Variants in NDST4 observed in about 807,000 individuals in gnomAD.
NDST4 encodes the protein N-heparan sulfate sulfotransferase 4.
Under a neutral mutation model 100.8 loss-of-function variants are expected in NDST4, and 63 were observed. The ratio of observed to expected loss-of-function variants is 0.62; its 90% confidence interval spans 0.51 to 0.77. NDST4 has a LOEUF of 0.77. NDST4 is among the 30% of genes least tolerant of loss of function. NDST4 has a pLI of 0.00. For synonymous variants in NDST4, 377 were observed against 361.8 expected, an observed-to-expected ratio of 1.04 and a Z score of -0.48; for missense variants, 943 against 1,018.4, an observed-to-expected ratio of 0.93 and a Z score of 1.01.
At chr4:114,906,383 T>TTG (rs1172015041) in intron 6 of NDST4, among the ~76,000 whole-genome samples, 1 of 151,958 alleles carries the variant, frequency 6.6e-6, no homozygotes, top group African/African-American at 2.4e-5. Flanking sequence ...GGCATTTTTT[T>TTG]TTGTTATGAA....
chr4:114,846,164 C>T (rs1487110542), intron 9 of NDST4, among the ~76,000 whole-genome samples, 167 bp from the exon 10 acceptor site: 2 of 152,050 alleles, frequency 1.3e-5, no homozygotes, highest in Non-Finnish European at 2.9e-5. Flanking sequence ...GTGAAGTCAA[C>T]CCAAAATATT....
chr4:114,983,439 T>C (rs915568335), intron 2 of NDST4, among the ~76,000 whole-genome samples: 5 of 152,010 alleles, frequency 3.3e-5, no homozygotes, highest in African/African-American at 1.2e-4. Context: ...TATTTTGGAG[T>C]TTTTAGATTT....
chr4:115,042,533 T>A (rs761711538), intron 2 of NDST4, among the ~76,000 whole-genome samples: 10 of 152,144 alleles, frequency 6.6e-5, no homozygotes, highest in African/African-American at 2.4e-4. Flanking sequence ...GTATATTTTA[T>A]AATTGTTCTA....
intron 1 of NDST4, among the ~76,000 whole-genome samples, chr4:115,079,384 C>T (rs1161740073): frequency 6.7e-6 from 1 of 149,154 alleles, no homozygotes; most frequent in African/African-American, 2.5e-5. Context: ...AAAAAAAAAT[C>T]CCAAACTGCT....
intron 7 of NDST4, among the ~76,000 whole-genome samples, chr4:114,853,364 A>G (rs1378568610): frequency 2.0e-5 from 3 of 152,260 alleles, no homozygotes; most frequent in African/African-American, 4.8e-5. Context: ...TCTAGACTTA[A>G]GGTTTTATAT....
chr4:115,014,842 C>A (rs1016445596), intron 2 of NDST4, among the ~76,000 whole-genome samples: 11 of 152,030 alleles, frequency 7.2e-5, no homozygotes, highest in Non-Finnish European at 1.3e-4. Context: ...GAACACTTAA[C>A]CATTTGCCAC....
rs756240092 is a variant in NDST4 at position 114,829,805 on chromosome 4, T to A, written c.2484A>T (p.Pro828=). ...AAATTATTACCTCTGGATCCATAGG[T>A]GGATATTTTCGGCCTTTGCTTTTTC... ...CLGKSKGRKY[P]PMDPESRTFL... The change falls in exon 13 of 14, where the codon CCA becomes CCT. Residue 828 remains proline (P), a synonymous_variant. Transcript: ENST00000264363. 2 of 1,610,414 alleles carry A rather than the reference T, an allele frequency of 1.2e-6. No individual in the cohort carries two copies. The highest frequency in any genetic ancestry group is 1.7e-6 in the Non-Finnish European group (2 of 1,178,966).
chr4:114,853,902 T>C (rs1485935693), intron 7 of NDST4, among the ~76,000 whole-genome samples: 1 of 152,204 alleles, frequency 6.6e-6, no homozygotes, highest in Non-Finnish European at 1.5e-5. Context: ...ATACAATACA[T>C]AATAATCACA....
intron 2 of NDST4, among the ~76,000 whole-genome samples, chr4:115,051,038 AT>A (rs1245440474): frequency 6.6e-6 from 1 of 152,064 alleles, no homozygotes; most frequent in African/African-American, 2.4e-5. Flanking sequence ...AAGTTAAACA[AT>A]TGTTCCAGAT....
At chr4:114,943,575 C>A (rs1225254587) in intron 4 of NDST4, among the ~76,000 whole-genome samples, 11 of 152,210 alleles carry the variant, frequency 7.2e-5, no homozygotes, top group African/African-American at 2.2e-4. Context: ...ATTTGAGTAT[C>A]TCTGCCAATA....
intron 1 of NDST4, among the ~76,000 whole-genome samples, chr4:115,078,790 A>G (rs1430653937): frequency 2.0e-5 from 3 of 152,050 alleles, no homozygotes; most frequent in Non-Finnish European, 4.4e-5. Flanking sequence ...CAGTGAGCTG[A>G]GATTGTGCCA....
intron 1 of NDST4, among the ~76,000 whole-genome samples, chr4:115,089,474 T>C (rs1463576875): frequency 1.3e-5 from 2 of 152,018 alleles, no homozygotes; most frequent in African/African-American, 4.8e-5. Context: ...TTCCTATTCA[T>C]GCCTGTCTCT....
chr4:114,986,039 C>T (rs1231061312), intron 2 of NDST4, among the ~76,000 whole-genome samples: 3 of 151,988 alleles, frequency 2.0e-5, no homozygotes, highest in African/African-American at 2.4e-5. Context: ...GTATATATAC[C>T]GGTAAGGATA....
At chr4:115,022,436 T>TATATATATATGTGTTCC (rs748295914) in intron 2 of NDST4, among the ~76,000 whole-genome samples, 1 of 86,168 alleles carries the variant, frequency 1.2e-5, no homozygotes, top group African/African-American at 3.8e-5. Context: ...ATGTGTTCCA[T>TATATATATATGTGTTCC]ATATATGTGT....
intron 7 of NDST4, among the ~76,000 whole-genome samples, chr4:114,866,599 T>C (rs1724030989): frequency 6.6e-6 from 1 of 152,196 alleles, no homozygotes; most frequent in Non-Finnish European, 1.5e-5. Flanking sequence ...GCTATTGTAC[T>C]ATGCTAGGTT....
At chr4:115,016,760 C>G (rs755599011) in intron 2 of NDST4, among the ~76,000 whole-genome samples, 1 of 152,034 alleles carries the variant, frequency 6.6e-6, no homozygotes, top group Non-Finnish European at 1.5e-5. Context: ...AGTACAACAA[C>G]CCAATCCAGG....
At chr4:114,871,094 A>G (rs1457622903) in intron 6 of NDST4, 144 bp from the exon 7 acceptor site, 1 of 536,696 alleles carries the variant, frequency 1.9e-6, no homozygotes, top group East Asian at 3.3e-5. Context: ...CACACATTTA[A>G]TTTTCATCTC....
chr4:114,982,797 TC>T (rs1726805848), intron 2 of NDST4, among the ~76,000 whole-genome samples: 1 of 152,068 alleles, frequency 6.6e-6, no homozygotes, highest in South Asian at 2.1e-4. Context: ...CAGCAGCCCC[TC>T]CCATCACAGG....
intron 4 of NDST4, among the ~76,000 whole-genome samples, chr4:114,945,208 CAAAAAAAAAAAAAAAA>C (rs1173970826): frequency 5.6e-5 from 3 of 53,768 alleles, no homozygotes; most frequent in African/African-American, 2.0e-4. Context: ...AACTCCGTCT[CAAAAAAAAAAAAAAAA>C]AAAAAAAAAG....
Sources: gnomAD v4.1 joint callset for allele counts (sites outside exome capture counted in the v4.1 genomes callset) on GRCh38, gnomAD v4.1.1 for gene constraint, MANE v1.5 for transcripts, NCBI Gene and HGNC (gene_info 2026-07-23, HGNC 2026-07-21) for gene names.